The following KIF5C variants were observed in gnomAD, a reference collection of about 807,000 sequenced individuals.
KIF5C encodes the protein kinesin heavy chain isoform 5C.
Under a neutral mutation model 125.2 loss-of-function variants are expected in KIF5C, and 18 were observed. The ratio of observed to expected loss-of-function variants is 0.14; its 90% confidence interval spans 0.10 to 0.21. The LOEUF (loss-of-function observed/expected upper bound fraction) is 0.21, where lower values mean the gene tolerates loss of function less well. Among genes scored for constraint, KIF5C ranks in the 10% least tolerant of loss-of-function variants. The pLI is 1.00. For synonymous variants in KIF5C, 405 were observed against 434.0 expected, an observed-to-expected ratio of 0.93 and a Z score of 0.83; for missense variants, 780 against 1,183.8, an observed-to-expected ratio of 0.66 and a Z score of 5.01.
At chr2:148,954,901 A>G (rs2105120445) in intron 10 of KIF5C, among the ~76,000 whole-genome samples, 1 of 152,264 alleles carries the variant, frequency 6.6e-6, no homozygotes, top group East Asian at 1.9e-4. Flanking sequence ...GAAAGAAAAA[A>G]AGGCTTAAAT....
intron 15 of KIF5C, among the ~76,000 whole-genome samples, chr2:148,984,064 G>A (rs754273391): frequency 6.6e-6 from 1 of 152,180 alleles, no homozygotes; most frequent in African/African-American, 2.4e-5. Flanking sequence ...ATTTCCTAAT[G>A]TTGCAGAAGT....
intron 1 of KIF5C, among the ~76,000 whole-genome samples, chr2:148,903,739 A>G (rs946840339): frequency 6.6e-6 from 1 of 152,192 alleles, no homozygotes; most frequent in African/African-American, 2.4e-5. Flanking sequence ...TAACTTGCCC[A>G]AGGTCACATA....
chr2:148,881,120 C>T (rs1440322748), intron 1 of KIF5C, among the ~76,000 whole-genome samples: 2 of 151,964 alleles, frequency 1.3e-5, no homozygotes, highest in Non-Finnish European at 2.9e-5. Flanking sequence ...CGCTGATTAC[C>T]TCCTATGTCT....
At chr2:148,973,727 C>G (rs1048803356) in intron 12 of KIF5C, among the ~76,000 whole-genome samples, 3 of 152,128 alleles carry the variant, frequency 2.0e-5, no homozygotes, top group African/African-American at 7.2e-5. Context: ...GTGTGTTGGC[C>G]TAGATAGACA....
intron 3 of KIF5C, among the ~76,000 whole-genome samples, chr2:148,929,939 A>G (rs1682135147): frequency 6.6e-6 from 1 of 152,180 alleles, no homozygotes; most frequent in Non-Finnish European, 1.5e-5. Flanking sequence ...ATAATATAAA[A>G]TTCAAGCTTC....
chr2:149,020,739 G>A (rs1682511026), intron 25 of KIF5C, among the ~76,000 whole-genome samples: 1 of 152,182 alleles, frequency 6.6e-6, no homozygotes. Flanking sequence ...AAATGAACCT[G>A]TGAGAAAGTG....
chr2:149,022,422 A>G (rs1682559541), intron 25 of KIF5C, among the ~76,000 whole-genome samples: 1 of 152,090 alleles, frequency 6.6e-6, no homozygotes, highest in Admixed American at 6.5e-5. Context: ...CCAAATTGAG[A>G]TGGGCTGAAA....
At chr2:148,984,232 A>T (rs1379655758) in intron 15 of KIF5C, among the ~76,000 whole-genome samples, 1 of 152,238 alleles carries the variant, frequency 6.6e-6, no homozygotes, top group Non-Finnish European at 1.5e-5. Flanking sequence ...TATTCACAAT[A>T]TGAGAAGTCT....
intron 1 of KIF5C, among the ~76,000 whole-genome samples, chr2:148,898,822 AT>A (rs1025440465): frequency 2.6e-4 from 39 of 152,220 alleles, no homozygotes; most frequent in Non-Finnish European, 4.4e-4. Context: ...ATTTCTGTTA[AT>A]TTTTTATAGC....
chr2:148,951,245 T>A (rs1343971153), intron 10 of KIF5C, among the ~76,000 whole-genome samples: 1 of 152,056 alleles, frequency 6.6e-6, no homozygotes, highest in Non-Finnish European at 1.5e-5. Flanking sequence ...GGGGAAGGAA[T>A]CTTTACCAGC....
chr2:148,880,045 T>A (rs1248172469), intron 1 of KIF5C, among the ~76,000 whole-genome samples: 1 of 152,228 alleles, frequency 6.6e-6, no homozygotes, highest in Non-Finnish European at 1.5e-5. Flanking sequence ...CTTAAAACTT[T>A]TCTTCTTTCC....
At chr2:148,992,479 G>T (rs535841232) in intron 16 of KIF5C, among the ~76,000 whole-genome samples, 1 of 152,060 alleles carries the variant, frequency 6.6e-6, no homozygotes, top group African/African-American at 2.4e-5. Flanking sequence ...TTTATGCAAG[G>T]TATTGAAGAC....
At chr2:148,993,765 C>T (rs1200498753) in intron 16 of KIF5C, among the ~76,000 whole-genome samples, 2 of 152,192 alleles carry the variant, frequency 1.3e-5, no homozygotes, top group Non-Finnish European at 2.9e-5. Flanking sequence ...TCTCATTCAT[C>T]CATTCATTTC....
At chr2:148,914,247 G>A (rs769825113) in intron 1 of KIF5C, among the ~76,000 whole-genome samples, 8 of 152,218 alleles carry the variant, frequency 5.3e-5, no homozygotes, top group African/African-American at 1.2e-4. Context: ...AATCAAAGGC[G>A]AAAGAGCTTG....
intron 1 of KIF5C, among the ~76,000 whole-genome samples, chr2:148,908,316 G>A (rs183952750): frequency 1.3e-5 from 2 of 152,304 alleles, no homozygotes; most frequent in Admixed American, 1.3e-4. Context: ...GAGGGTGAAG[G>A]CCTTTTCTTC....
chr2:148,911,250 A>T (rs1681323027), intron 1 of KIF5C, among the ~76,000 whole-genome samples: 1 of 152,160 alleles, frequency 6.6e-6, no homozygotes, highest in South Asian at 2.1e-4. Context: ...AGATCTGGAG[A>T]CATTCTTAAA....
intron 12 of KIF5C, among the ~76,000 whole-genome samples, chr2:148,976,616 G>A (rs376370507): frequency 2.0e-4 from 29 of 148,658 alleles, no homozygotes; most frequent in African/African-American, 5.2e-4. Flanking sequence ...GTTCTGTTGC[G>A]CAGACTAGAG....
At chr2:148,997,000 G>A (rs1353770759) in intron 17 of KIF5C, among the ~76,000 whole-genome samples, 1 of 152,154 alleles carries the variant, frequency 6.6e-6, no homozygotes. Flanking sequence ...TCCTAGGAGG[G>A]CCGCCCCCAG....
chr2:148,958,562 A>G (rs1466105766), intron 10 of KIF5C, among the ~76,000 whole-genome samples: 2 of 152,152 alleles, frequency 1.3e-5, no homozygotes, highest in East Asian at 1.9e-4. Flanking sequence ...TTTGTCAGGT[A>G]TATGTATTTT....
Sources: allele counts gnomAD v4.1 joint callset (sites outside exome capture counted in the v4.1 genomes callset), GRCh38; gene constraint gnomAD v4.1.1; transcripts MANE v1.5; gene names NCBI Gene and HGNC (gene_info 2026-07-23, HGNC 2026-07-21).